The following GPM6A variants were observed in gnomAD, a reference collection of about 807,000 sequenced individuals.
GPM6A encodes the protein neuronal membrane glycoprotein M6-a.
A neutral mutation model predicts 32.1 loss-of-function variants in GPM6A; 7 were observed. The ratio of observed to expected loss-of-function variants is 0.22; its 90% CI spans 0.12 to 0.41. The LOEUF is 0.41. Ranked by LOEUF, GPM6A falls within the 10% of genes least tolerant of loss-of-function variation. The pLI, the probability that GPM6A is intolerant of heterozygous loss-of-function variation, is 1.00. For synonymous variants in GPM6A, 130 were observed against 123.4 expected, an observed-to-expected ratio of 1.05 and a Z score of -0.35; for missense variants, 235 against 347.2, an observed-to-expected ratio of 0.68 and a Z score of 2.57.
chr4:175,870,694 T>C (rs1019194563), intron 1 of GPM6A, among the ~76,000 whole-genome samples: 1 of 152,116 alleles, frequency 6.6e-6, no homozygotes, highest in Admixed American at 6.6e-5. Context: ...AAATTTGCTC[T>C]TTGGGAAAAC....
intron 1 of GPM6A, among the ~76,000 whole-genome samples, chr4:175,863,534 G>A (rs1736637544): frequency 6.6e-6 from 1 of 151,918 alleles, no homozygotes; most frequent in Non-Finnish European, 1.5e-5. Flanking sequence ...TAAAGAGGCT[G>A]TAAACACTTG....
intron 2 of GPM6A, 81 bp downstream of exon 2, chr4:175,701,494 A>G (rs778464205): frequency 7.0e-5 from 67 of 959,818 alleles, no homozygotes; most frequent in Non-Finnish European, 9.9e-5. Context: ...CACCTCATCT[A>G]ACTGTAGGCC....
rs139365196 is a variant in GPM6A at position 175,937,960 on chromosome 4, A to G, written c.-23+64349T>C. On this transcript the variant is annotated intron_variant, in intron 1 of 7. Coordinates refer to the GPM6A transcript ENST00000280187. ...TAGTGAGGTGACTTTCTACCACCCT[A>G]TTTAATTCTAAAGTTGATAGTCAGT... Among the ~76,000 whole-genome samples the G allele has an allele frequency of 4.8e-4, 73 of 152,230 alleles. No homozygotes were observed. In the East Asian group the frequency reaches 0.011, roughly 23 times the overall value.
intron 1 of GPM6A, among the ~76,000 whole-genome samples, chr4:175,923,054 T>C (rs1369731495): frequency 3.9e-5 from 6 of 151,956 alleles, no homozygotes; most frequent in African/African-American, 1.4e-4. Flanking sequence ...CATAATAACA[T>C]GACTTCATAT....
chr4:175,983,811 G>A (rs545053005), intron 1 of GPM6A, among the ~76,000 whole-genome samples: 15 of 152,146 alleles, frequency 9.9e-5, no homozygotes, highest in East Asian at 3.9e-4. Flanking sequence ...AATGATTTTC[G>A]TTATTCTTTC....
At chr4:175,678,095 C>T (rs1036868715) in intron 2 of GPM6A, among the ~76,000 whole-genome samples, 1 of 152,090 alleles carries the variant, frequency 6.6e-6, no homozygotes, top group Non-Finnish European at 1.5e-5. Flanking sequence ...TTGAATTCCC[C>T]ACTCCAGGCC....
intron 1 of GPM6A, among the ~76,000 whole-genome samples, chr4:175,866,541 C>T (rs984467336): frequency 6.6e-6 from 1 of 152,116 alleles, no homozygotes; most frequent in Non-Finnish European, 1.5e-5. Context: ...AAATTGGCTT[C>T]TTATACATAA....
Position 175,856,070 on chromosome 4 carries a change from A to G in GPM6A, c.-22-43821T>C, listed in dbSNP as rs980692019. On this transcript the variant is annotated intron_variant, in intron 1 of 7. Transcript: ENST00000280187. Reference sequence around the variant, plus strand: ...ATCTGGAACATCTTTTAGTTCAAGAAAAAAGGAATTATTCAAAAAAGGAAA... The same window carrying G: ...ATCTGGAACATCTTTTAGTTCAAGAGAAAAGGAATTATTCAAAAAAGGAAA... 2.6e-5 allele frequency among the ~76,000 whole-genome samples: 4 copies of G among 152,224 alleles called. No homozygotes were observed. In the South Asian group the frequency reaches 6.2e-4, roughly 24 times the overall value.
intron 1 of GPM6A, among the ~76,000 whole-genome samples, chr4:175,901,926 C>G (rs1393972817): frequency 1.3e-5 from 2 of 151,998 alleles, no homozygotes; most frequent in Non-Finnish European, 2.9e-5. Context: ...CCATGCCCAG[C>G]CTATAATTTT....
chr4:175,764,025 C>T (rs1228678387), intron 1 of GPM6A, among the ~76,000 whole-genome samples: 11 of 152,136 alleles, frequency 7.2e-5, no homozygotes, highest in Admixed American at 7.2e-4. Context: ...GTAAAATACA[C>T]AGACACAAAG....
At chr4:175,645,193 G>C (rs953739026) in intron 4 of GPM6A, among the ~76,000 whole-genome samples, 10 of 152,154 alleles carry the variant, frequency 6.6e-5, no homozygotes, top group Non-Finnish European at 1.2e-4. Flanking sequence ...CTTGATGCAT[G>C]AAAGTTGCAG....
At chr4:175,916,662 T>TG (rs1227596910) in intron 1 of GPM6A, among the ~76,000 whole-genome samples, 2 of 152,124 alleles carry the variant, frequency 1.3e-5, no homozygotes, top group Non-Finnish European at 2.9e-5. Flanking sequence ...GTATACATTA[T>TG]GGGGGGAAAT....
At chr4:175,832,216 C>T (rs572027741) in intron 1 of GPM6A, among the ~76,000 whole-genome samples, 1 of 152,190 alleles carries the variant, frequency 6.6e-6, no homozygotes, top group South Asian at 2.1e-4. Context: ...AACAAACAAA[C>T]AAATAACAAA....
chr4:175,798,710 C>T (rs181525232), intron 1 of GPM6A: 8 of 152,152 alleles, frequency 5.3e-5, no homozygotes, highest in Non-Finnish European at 4.4e-5. Context: ...TACCACTGTT[C>T]TCAAATATGT....
At chr4:175,994,428 A>G (rs1358203380) in intron 1 of GPM6A, among the ~76,000 whole-genome samples, 1 of 152,208 alleles carries the variant, frequency 6.6e-6, no homozygotes, top group African/African-American at 2.4e-5. Context: ...CAACATCACA[A>G]TAAAGCAAGT....
intron 1 of GPM6A, among the ~76,000 whole-genome samples, chr4:175,899,573 C>T (rs1737888800): frequency 6.6e-6 from 1 of 152,100 alleles, no homozygotes; most frequent in Non-Finnish European, 1.5e-5. Flanking sequence ...ATCCATACAT[C>T]TATAGTGAGC....
intron 6 of GPM6A, among the ~76,000 whole-genome samples, chr4:175,637,492 TTA>T (rs1237032738): frequency 2.1e-5 from 2 of 95,552 alleles, no homozygotes; most frequent in African/African-American, 4.1e-5. Context: ...TATATGACCT[TTA>T]TATATATATA....
At chr4:175,683,763 C>G (rs1743815718) in intron 2 of GPM6A, among the ~76,000 whole-genome samples, 1 of 151,946 alleles carries the variant, frequency 6.6e-6, no homozygotes, top group African/African-American at 2.4e-5. Flanking sequence ...TGAGGACTGC[C>G]CAGTAATAGA....
chr4:175,780,554 G>A (rs976623015), intron 1 of GPM6A, among the ~76,000 whole-genome samples: 1 of 152,150 alleles, frequency 6.6e-6, no homozygotes, highest in Non-Finnish European at 1.5e-5. Flanking sequence ...AACACAGTGC[G>A]TCACATTCAA....
Sources: gnomAD v4.1 joint callset for allele counts (sites outside exome capture counted in the v4.1 genomes callset) on GRCh38, gnomAD v4.1.1 for gene constraint, MANE v1.5 for transcripts, NCBI Gene and HGNC (gene_info 2026-07-23, HGNC 2026-07-21) for gene names.